The following INO80C variants were observed in gnomAD, a reference collection of about 807,000 sequenced individuals.
The protein encoded by INO80C is IES6 homolog.
INO80C carries 17 observed loss-of-function variants against 17.7 expected under a neutral mutation model. That is an observed-to-expected ratio of 0.96 (90% CI 0.66 to 1.44). The LOEUF is 1.44. Among genes scored for constraint, INO80C ranks in the 40% most tolerant of loss-of-function variants. The pLI is 0.00. For synonymous variants in INO80C, 96 were observed against 95.8 expected, an observed-to-expected ratio of 1.00 and a Z score of -0.01; for missense variants, 244 against 245.0, an observed-to-expected ratio of 1.00 and a Z score of 0.03.
chr18:35,474,207 C>CTCTATA (rs1393201455), intron 4 of INO80C, among the ~76,000 whole-genome samples: 2 of 58,046 alleles, frequency 3.4e-5, no homozygotes, highest in South Asian at 1.5e-3. Flanking sequence ...GTGTGTGTGT[C>CTCTATA]TATATATATA....
Position 35,480,442 on chromosome 18 carries a change from T to C in INO80C, c.267+11A>G, listed in dbSNP as rs1165208973. 1 of 1,578,740 alleles carries C rather than the reference T, an allele frequency of 6.3e-7. No individual in the cohort carries two copies. The highest frequency in any genetic ancestry group is 1.1e-5 in the South Asian group (1 of 90,426). On this transcript the variant is annotated intron_variant, in intron 2 of 4. Transcript: ENST00000334598. ...TTGGATGTTTATTCAGCTAATACCT[T>C]CGATGCTTACCACAAAGTTGGGATC...
intron 1 of INO80C, among the ~76,000 whole-genome samples, chr18:35,484,362 A>C (rs116122379): frequency 0.011 from 1,622 of 152,320 alleles, 27 homozygotes; most frequent in African/African-American, 0.037. Flanking sequence ...GTATACACAC[A>C]CATATATTTC....
intron 3 of INO80C, among the ~76,000 whole-genome samples, chr18:35,478,834 A>C (rs1177066083): frequency 1.3e-5 from 2 of 152,248 alleles, no homozygotes; most frequent in Non-Finnish European, 2.9e-5. Context: ...CTTTCCAGTG[A>C]AGCTGAACAG....
Position 35,468,583 on chromosome 18 carries a change from C to G in INO80C, c.*28G>C, listed in dbSNP as rs375600164. The G allele has an allele frequency of 8.7e-6, 14 of 1,613,780 alleles. No homozygotes were observed. Among genetic ancestry groups the G allele is most frequent in the Admixed American group, 1.7e-5 (1 of 59,948 alleles). ...AGTCCAGAGTCTGTTTTTGAAACAGCTTTCCACTTCATCTCCCTTTCTGGG... is the reference window on the plus strand; with the variant it reads ...AGTCCAGAGTCTGTTTTTGAAACAGGTTTCCACTTCATCTCCCTTTCTGGG... On this transcript the variant is annotated 3_prime_UTR_variant, in exon 5 of 5. Transcript: ENST00000334598.
chr18:35,490,742 ATTTC>A (rs2045925578), intron 1 of INO80C, among the ~76,000 whole-genome samples: 1 of 124,536 alleles, frequency 8.0e-6, no homozygotes, highest in African/African-American at 2.9e-5. Flanking sequence ...CAAAAACTGC[ATTTC>A]TTTTTTTATT....
At chr18:35,497,688 G>A (rs768970589) in intron 1 of INO80C, 31 bp downstream of exon 1, 3 of 1,598,906 alleles carry the variant, frequency 1.9e-6, no homozygotes, top group East Asian at 2.3e-5. Context: ...TTCGCGACGC[G>A]CACGCGCAGC....
At chr18:35,477,639 T>C (rs1465087244) in intron 4 of INO80C, among the ~76,000 whole-genome samples, 1 of 152,100 alleles carries the variant, frequency 6.6e-6, no homozygotes, top group Non-Finnish European at 1.5e-5. Context: ...CTTCTGCAAA[T>C]AAGGAAATGG....
Position 35,470,850 on chromosome 18 carries a change from C to T in INO80C, c.448-2108G>A, listed in dbSNP as rs138357027. ...GTTGAACAAGTAAAGAGCTTCACAC[C>T]TACAGTCCACCCTCCTCTGGATGCC... On this transcript the variant is annotated intron_variant, in intron 4 of 4. Transcript: ENST00000334598. Among the ~76,000 whole-genome samples the T allele has an allele frequency of 5.9e-3, 895 of 152,316 alleles. 2 individuals are homozygous for T. Among genetic ancestry groups the T allele is most frequent in the Non-Finnish European group, 0.01 (693 of 68,026 alleles).
chr18:35,486,783 T>C (rs978532347), intron 1 of INO80C, among the ~76,000 whole-genome samples: 4 of 129,494 alleles, frequency 3.1e-5, no homozygotes, highest in African/African-American at 1.2e-4. Context: ...ATACCCAATT[T>C]CTTAAAAAAA....
At chr18:35,475,881 T>C (rs919790473) in intron 4 of INO80C, among the ~76,000 whole-genome samples, 1 of 151,832 alleles carries the variant, frequency 6.6e-6, no homozygotes, top group Non-Finnish European at 1.5e-5. Context: ...GTTCTTTTTT[T>C]TCTTATTTTT....
intron 1 of INO80C, among the ~76,000 whole-genome samples, chr18:35,490,206 C>T (rs762052272): frequency 2.8e-4 from 43 of 152,090 alleles, no homozygotes; most frequent in Non-Finnish European, 3.2e-4. Context: ...TGGGGTGAGC[C>T]GGTCCAAGGA....
At chr18:35,483,321 T>G (rs2045836359) in intron 1 of INO80C, 1 of 152,186 alleles carries the variant, frequency 6.6e-6, no homozygotes, top group African/African-American at 2.4e-5. Context: ...TAACGAACAT[T>G]ACCTTGTGCA....
In INO80C at chr18:35,494,230, T is replaced by C. The variant is rs527856094; in HGVS notation, c.156+3489A>G. 3.3e-5 allele frequency among the ~76,000 whole-genome samples: 5 copies of C among 152,352 alleles called. No individual in the cohort carries two copies. The South Asian group carries it at 1.0e-3, about 32-fold the overall frequency. On this transcript the variant is annotated intron_variant, in intron 1 of 4. Transcript: ENST00000334598. Reference sequence around the variant, plus strand: ...CTTCCTAATGGTTTCATTTGTGTGATAGGTAGAATTCCAGTACACCCCTGC... The same window carrying C: ...CTTCCTAATGGTTTCATTTGTGTGACAGGTAGAATTCCAGTACACCCCTGC...
intron 4 of INO80C, among the ~76,000 whole-genome samples, chr18:35,474,824 T>C (rs1171925010): frequency 2.0e-5 from 3 of 152,172 alleles, no homozygotes; most frequent in Non-Finnish European, 2.9e-5. Flanking sequence ...GTATACTCTA[T>C]ACAGTGAGTA....
At position 35,480,544 on chromosome 18, in the gene INO80C, A is replaced by G. The variant is rs141469339; in HGVS notation, c.176T>C (p.Met59Thr). The change falls in exon 2 of 5, where the codon ATG (methionine) becomes ACG (threonine). Residue 59 changes from methionine (M) to threonine (T), a missense_variant. Physicochemically the swap from Met to Thr is moderately conservative, Grantham distance 81. Coordinates refer to ENST00000334598, the MANE Select transcript of INO80C (RefSeq NM_194281.4). ...SFAQGISMEA[M>T]SENKMVPSEF... is the part of the protein sequence containing the mutation. ...AGAGGGCACCATTTTATTCTCACTC[A>G]TGGCTTCCATGCTGATACCCTTAAA... 6.2e-7 allele frequency: 1 copy of G among 1,612,436 alleles called. No homozygotes were observed.
intron 1 of INO80C, among the ~76,000 whole-genome samples, chr18:35,488,057 G>A (rs995923583): frequency 1.3e-5 from 2 of 152,180 alleles, no homozygotes; most frequent in African/African-American, 4.8e-5. Flanking sequence ...CCATGGTCTT[G>A]GGCAGCTCTG....
Position 35,478,272 on chromosome 18 carries a change from T to G in INO80C, c.447+10A>C. ...CCATTTAATGTTATAAGAGATATAATCATACTCACAAGCAGACCTGAAACA... is the reference window on the plus strand; with the variant it reads ...CCATTTAATGTTATAAGAGATATAAGCATACTCACAAGCAGACCTGAAACA... On this transcript the variant is annotated intron_variant, in intron 4 of 4. Transcript: ENST00000334598. 6.4e-7 allele frequency: 1 copy of G among 1,563,000 alleles called. No individual in the cohort carries two copies. Among genetic ancestry groups the G allele is most frequent in the Non-Finnish European group, 8.8e-7 (1 of 1,140,804 alleles).
In INO80C at chr18:35,468,347, G is replaced by T; in HGVS notation, c.*264C>A. On this transcript the variant is annotated 3_prime_UTR_variant, in exon 5 of 5. Coordinates refer to ENST00000334598, the MANE Select transcript of INO80C (RefSeq NM_194281.4). Reference sequence around the variant, plus strand: ...GGGACTTGGGATAAATGAAAAGTATGGTTTTATTGTATCTTCTTGTCAAAC... The same window carrying T: ...GGGACTTGGGATAAATGAAAAGTATTGTTTTATTGTATCTTCTTGTCAAAC... 1.3e-5 allele frequency: 17 copies of T among 1,287,164 alleles called. No homozygotes were observed. Among genetic ancestry groups the T allele is most frequent in the Non-Finnish European group, 1.6e-5 (16 of 1,011,524 alleles). The allele number at this position is 1,287,164 out of a possible 1,614,324, so 79.7% of individuals were successfully genotyped here.
chr18:35,489,873 C>G (rs976608391), intron 1 of INO80C, among the ~76,000 whole-genome samples: 2 of 152,162 alleles, frequency 1.3e-5, no homozygotes, highest in African/African-American at 4.8e-5. Context: ...TCTGTTAACA[C>G]CCCTCTTCTG....
Sources: allele counts gnomAD v4.1 joint callset (sites outside exome capture counted in the v4.1 genomes callset), GRCh38; gene constraint gnomAD v4.1.1; transcripts MANE v1.5; gene names NCBI Gene and HGNC (gene_info 2026-07-23, HGNC 2026-07-21).